The following YWHAG variants were observed in gnomAD, a reference collection of about 807,000 sequenced individuals.
The protein encoded by YWHAG is 14-3-3 protein gamma.
In YWHAG, 1 loss-of-function variant was observed where a neutral mutation model predicts 23.3. That is an observed-to-expected ratio of 0.04 (90% CI 0.02 to 0.20). The LOEUF is 0.20. YWHAG is among the 10% of genes least tolerant of loss of function. YWHAG has a pLI of 1.00. For synonymous variants in YWHAG, 160 were observed against 144.0 expected, an observed-to-expected ratio of 1.11 and a Z score of -0.80; for missense variants, 151 against 338.6, an observed-to-expected ratio of 0.45 and a Z score of 4.35.
Position 76,327,817 on chromosome 7 carries a change from G to T in YWHAG, c.*1760C>A, listed in dbSNP as rs1257964433. The T allele has an allele frequency of 1.3e-5, 2 of 151,872 alleles. No individual in the cohort carries two copies. The highest frequency in any genetic ancestry group is 2.9e-5 in the Non-Finnish European group (2 of 67,990). 9.4% of individuals were successfully genotyped at this position (151,872 alleles called of 1,614,324 possible). A position where few individuals can be genotyped will look rare whatever the true frequency, so the allele number is the denominator to read the frequency against. ...GACTTTTACTCTAGCGTGAGGAGGG[G>T]GCCTCCTAAGGAAAGTCATGCTGGG... is the stretch of plus-strand genomic sequence containing the variant. On this transcript the variant is annotated 3_prime_UTR_variant, in exon 2 of 2. Coordinates refer to ENST00000307630, the MANE Select transcript of YWHAG (RefSeq NM_012479.4).
intron 1 of YWHAG, among the ~76,000 whole-genome samples, chr7:76,350,783 G>T (rs577409439): frequency 2.1e-3 from 324 of 152,278 alleles, no homozygotes; most frequent in African/African-American, 7.7e-3. Context: ...GGCAGAGGTG[G>T]TAGTAAGCTG....
At chr7:76,348,786 C>T (rs1054106832) in intron 1 of YWHAG, among the ~76,000 whole-genome samples, 7 of 151,942 alleles carry the variant, frequency 4.6e-5, no homozygotes, top group African/African-American at 1.4e-4. Context: ...GTGACCCGCC[C>T]GCCTCCACCT....
chr7:76,328,661 A>C lies in YWHAG; in HGVS notation c.*916T>G, dbSNP rs998940671. 1 of 152,190 alleles carries C rather than the reference A, an allele frequency of 6.6e-6. No homozygotes were observed. The allele number at this position is 152,190 out of a possible 1,614,324, so 9.4% of individuals were successfully genotyped here. A position where few individuals can be genotyped will look rare whatever the true frequency, so the allele number is the denominator to read the frequency against. The stretch of plus-strand genomic sequence containing the variant: ...AGGAGGGAGCTGCAGCAGCTTCAGA[A>C]GCGGGATGTTCTCTGAAAATACCAA... On this transcript the variant is annotated 3_prime_UTR_variant, in exon 2 of 2. Coordinates refer to ENST00000307630, the MANE Select transcript of YWHAG (RefSeq NM_012479.4).
intron 1 of YWHAG, among the ~76,000 whole-genome samples, chr7:76,332,105 A>T (rs866950260): frequency 6.6e-6 from 1 of 152,208 alleles, no homozygotes; most frequent in African/African-American, 2.4e-5. Context: ...TTAATGCTGG[A>T]CAACGTTACT....
At chr7:76,332,616 G>T (rs936686126) in intron 1 of YWHAG, among the ~76,000 whole-genome samples, 2 of 151,878 alleles carry the variant, frequency 1.3e-5, no homozygotes, top group African/African-American at 4.8e-5. Flanking sequence ...AAACTACTGG[G>T]CTCAAGCAAT....
At chr7:76,349,204 T>C (rs2115641518) in intron 1 of YWHAG, among the ~76,000 whole-genome samples, 1 of 151,382 alleles carries the variant, frequency 6.6e-6, no homozygotes, top group Admixed American at 6.6e-5. Flanking sequence ...TAGCCGGGCG[T>C]GGTGGTGGGC....
intron 1 of YWHAG, among the ~76,000 whole-genome samples, chr7:76,356,689 G>A (rs1310935119): frequency 6.6e-6 from 1 of 152,042 alleles, no homozygotes; most frequent in Admixed American, 6.6e-5. Context: ...TCATTGCCCA[G>A]TATTTTAAAT....
intron 1 of YWHAG, among the ~76,000 whole-genome samples, chr7:76,339,958 A>G (rs1189308104): frequency 1.3e-5 from 2 of 151,710 alleles, no homozygotes; most frequent in Non-Finnish European, 2.9e-5. Flanking sequence ...GTGTGGTGGC[A>G]CACACCTGTA....
In YWHAG at chr7:76,328,147, G is replaced by A. The variant is rs900362979; in HGVS notation, c.*1430C>T. 4 of 152,190 alleles carry A rather than the reference G, an allele frequency of 2.6e-5. No individual in the cohort carries two copies. Among genetic ancestry groups the A allele is most frequent in the East Asian group, 1.9e-4 (1 of 5,184 alleles). The allele number at this position is 152,190 out of a possible 1,614,324, so 9.4% of individuals were successfully genotyped here. On this transcript the variant is annotated 3_prime_UTR_variant, in exon 2 of 2. Transcript: ENST00000307630. Reference sequence around the variant, plus strand: ...CGTTCACAGATAGACAGATTCACCCGAAATGAGAATGAGGGCCTTAAGGCT... The same window carrying A: ...CGTTCACAGATAGACAGATTCACCCAAAATGAGAATGAGGGCCTTAAGGCT...
intron 1 of YWHAG, among the ~76,000 whole-genome samples, chr7:76,335,945 C>T (rs921375626): frequency 1.3e-5 from 2 of 151,950 alleles, no homozygotes; most frequent in Non-Finnish European, 2.9e-5. Context: ...GCGATCTGTC[C>T]GCACCCCCAC....
At chr7:76,351,181 T>C (rs1803867389) in intron 1 of YWHAG, among the ~76,000 whole-genome samples, 1 of 152,156 alleles carries the variant, frequency 6.6e-6, no homozygotes, top group Admixed American at 6.6e-5. Flanking sequence ...GCCACCAACA[T>C]TTTTGTCTTC....
At chr7:76,348,421 A>ATTT (rs35576700) in intron 1 of YWHAG, among the ~76,000 whole-genome samples, 15 of 130,964 alleles carry the variant, frequency 1.1e-4, no homozygotes, top group African/African-American at 3.7e-4. Context: ...ATGCCCGCTA[A>ATTT]TTTTTTTTTT....
intron 1 of YWHAG, among the ~76,000 whole-genome samples, chr7:76,340,629 C>T (rs1432312604): frequency 6.6e-6 from 1 of 152,174 alleles, no homozygotes; most frequent in Non-Finnish European, 1.5e-5. Context: ...AAGAACAGAA[C>T]TCAAATACAC....
chr7:76,339,083 C>G (rs1803655301), intron 1 of YWHAG, among the ~76,000 whole-genome samples: 1 of 151,938 alleles, frequency 6.6e-6, no homozygotes, highest in South Asian at 2.1e-4. Flanking sequence ...AAGCCCAAAG[C>G]CAGTAATTTT....
intron 1 of YWHAG, among the ~76,000 whole-genome samples, chr7:76,333,780 C>A (rs1803578968): frequency 6.6e-6 from 1 of 152,250 alleles, no homozygotes; most frequent in Admixed American, 6.5e-5. Flanking sequence ...CTCATGACTG[C>A]CTCCAGTGCA....
chr7:76,351,951 T>C (rs767985426), intron 1 of YWHAG, among the ~76,000 whole-genome samples: 1 of 152,000 alleles, frequency 6.6e-6, no homozygotes, highest in Admixed American at 6.6e-5. Flanking sequence ...GCCAAAAAGG[T>C]TGGGGACCAC....
At chr7:76,358,572 C>T in intron 1 of YWHAG, 150 bp downstream of exon 1, 1 of 731,808 alleles carries the variant, frequency 1.4e-6, no homozygotes, top group East Asian at 3.4e-5. Context: ...TTCCCGTCGC[C>T]TCTCGGGACC....
intron 1 of YWHAG, among the ~76,000 whole-genome samples, chr7:76,353,897 C>T (rs1286260839): frequency 2.0e-5 from 3 of 151,342 alleles, no homozygotes; most frequent in East Asian, 2.0e-4. Flanking sequence ...GGCAACACCC[C>T]GTTCCTACAA....
intron 1 of YWHAG, among the ~76,000 whole-genome samples, chr7:76,336,300 T>G (rs984228764): frequency 6.6e-6 from 1 of 152,108 alleles, no homozygotes; most frequent in Non-Finnish European, 1.5e-5. Context: ...ACTGTGGACC[T>G]TGGGTGATAA....
Sources: gnomAD v4.1 joint callset for allele counts (sites outside exome capture counted in the v4.1 genomes callset) on GRCh38, gnomAD v4.1.1 for gene constraint, MANE v1.5 for transcripts, NCBI Gene and HGNC (gene_info 2026-07-23, HGNC 2026-07-21) for gene names.